Variants in NRG1 observed in about 807,000 individuals in gnomAD.
The protein encoded by NRG1 is neuregulin 1.
NRG1 carries 18 observed loss-of-function variants against 63.8 expected under a neutral mutation model. The ratio of observed to expected loss-of-function variants is 0.28; its 90% CI spans 0.19 to 0.42. NRG1 has a LOEUF of 0.42. Among genes scored for constraint, NRG1 ranks in the 10% least tolerant of loss-of-function variants. NRG1 has a pLI of 1.00. For missense variants in NRG1, 762 were observed against 814.7 expected, an observed-to-expected ratio of 0.94 and a Z score of 0.79; for synonymous variants, 302 against 301.3, an observed-to-expected ratio of 1.00 and a Z score of -0.02.
chr8:31,697,485 T>C (rs1452736997), intron 1 of NRG1, among the ~76,000 whole-genome samples: 1 of 152,200 alleles, frequency 6.6e-6, no homozygotes, highest in Non-Finnish European at 1.5e-5. Flanking sequence ...GTCAGTTTCT[T>C]CCCTATGCCA....
chr8:31,709,378 T>A (rs985248585), intron 1 of NRG1, among the ~76,000 whole-genome samples: 12 of 152,140 alleles, frequency 7.9e-5, no homozygotes, highest in African/African-American at 2.9e-4. Context: ...CTTCTGGGAA[T>A]GTTTCACCGA....
intron 1 of NRG1, among the ~76,000 whole-genome samples, chr8:31,694,815 A>G (rs1809891666): frequency 6.6e-6 from 1 of 152,322 alleles, no homozygotes; most frequent in South Asian, 2.1e-4. Flanking sequence ...TGTTGAAGAA[A>G]TGTTTTAGAG....
intron 1 of NRG1, among the ~76,000 whole-genome samples, chr8:32,577,355 A>G (rs1839853119): frequency 1.3e-5 from 2 of 152,170 alleles, no homozygotes; most frequent in Non-Finnish European, 1.5e-5. Flanking sequence ...CAAGTGACTT[A>G]TGTATACAGT....
chr8:32,117,996 T>A (rs772244351), intron 1 of NRG1, among the ~76,000 whole-genome samples: 4 of 152,154 alleles, frequency 2.6e-5, no homozygotes, highest in Non-Finnish European at 5.9e-5. Flanking sequence ...TCAGTATTTC[T>A]CAAAATCATT....
chr8:32,350,538 T>G (rs1172014371), intron 1 of NRG1, among the ~76,000 whole-genome samples: 1 of 152,164 alleles, frequency 6.6e-6, no homozygotes. Flanking sequence ...TCTAACAGAC[T>G]GAAAGTTTAT....
chr8:32,423,127 C>T (rs141707398), intron 1 of NRG1, among the ~76,000 whole-genome samples: 26 of 152,296 alleles, frequency 1.7e-4, no homozygotes, highest in African/African-American at 5.8e-4. Flanking sequence ...TGATATTGCT[C>T]CATTGGGTGG....
At chr8:32,614,593 C>T (rs1252793045) in intron 4 of NRG1, 29 bp downstream of exon 4, 9 of 1,606,788 alleles carry the variant, frequency 5.6e-6, no homozygotes, top group Non-Finnish European at 7.7e-6. Flanking sequence ...GCAAATTTTA[C>T]TAACCAGAAT....
At chr8:32,437,673 G>A (rs1047825790) in intron 1 of NRG1, among the ~76,000 whole-genome samples, 2 of 152,132 alleles carry the variant, frequency 1.3e-5, no homozygotes, top group African/African-American at 4.8e-5. Context: ...TAATTTTGAG[G>A]TTCTTATCCA....
chr8:32,573,264 C>T (rs978645935), intron 1 of NRG1, among the ~76,000 whole-genome samples: 7 of 152,170 alleles, frequency 4.6e-5, no homozygotes, highest in African/African-American at 9.7e-5. Flanking sequence ...CTTATTGACT[C>T]GATAACAGGG....
intron 1 of NRG1, among the ~76,000 whole-genome samples, chr8:32,237,511 G>C (rs1847691212): frequency 6.6e-6 from 1 of 151,312 alleles, no homozygotes; most frequent in African/African-American, 2.4e-5. Context: ...CCCGTGATTT[G>C]GTGGACTGCA....
chr8:32,052,856 A>G (rs1822209183), intron 1 of NRG1, among the ~76,000 whole-genome samples: 1 of 152,144 alleles, frequency 6.6e-6, no homozygotes, highest in Non-Finnish European at 1.5e-5. Flanking sequence ...GAAACTGAGG[A>G]GAACCAGGGT....
chr8:32,581,017 G>A (rs78695846), intron 1 of NRG1, among the ~76,000 whole-genome samples: 1 of 152,106 alleles, frequency 6.6e-6, no homozygotes, highest in East Asian at 1.9e-4. Flanking sequence ...AAAGAGGAAG[G>A]ATTTATTTTA....
chr8:32,306,365 A>C (rs1051963069), intron 1 of NRG1, among the ~76,000 whole-genome samples: 1 of 152,354 alleles, frequency 6.6e-6, no homozygotes, highest in African/African-American at 2.4e-5. Flanking sequence ...ATAGGGAAAG[A>C]ATTTAACTAC....
At chr8:32,512,956 T>A (rs1829386749) in intron 1 of NRG1, among the ~76,000 whole-genome samples, 1 of 152,198 alleles carries the variant, frequency 6.6e-6, no homozygotes, top group South Asian at 2.1e-4. Flanking sequence ...AAACTGGTTT[T>A]AACTTTTTTG....
At chr8:31,894,218 C>A (rs925163040) in intron 1 of NRG1, among the ~76,000 whole-genome samples, 9 of 152,120 alleles carry the variant, frequency 5.9e-5, no homozygotes, top group Admixed American at 4.6e-4. Context: ...TTATTTGCAT[C>A]TACTATTTCA....
intron 1 of NRG1, among the ~76,000 whole-genome samples, chr8:31,804,441 T>G (rs1586536143): frequency 6.6e-6 from 1 of 152,262 alleles, no homozygotes; most frequent in East Asian, 1.9e-4. Flanking sequence ...TCTAAACATC[T>G]CTGATTGGGC....
In NRG1 at chr8:32,474,634, A is replaced by G. The variant is rs577326684; in HGVS notation, c.38-121194A>G. ...CAGCCTCCCAAGTAGCTGGGACTACAGGCACGTGCCACCACGCCTAGCTAA... is the reference window on the plus strand; with the variant it reads ...CAGCCTCCCAAGTAGCTGGGACTACGGGCACGTGCCACCACGCCTAGCTAA... On this transcript the variant is annotated intron_variant, in intron 1 of 10. Transcript: ENST00000519301. Among the ~76,000 whole-genome samples, 244 of 151,892 alleles carry G rather than the reference A, an allele frequency of 1.6e-3. 1 individual carries two copies. Among genetic ancestry groups the G allele is most frequent in the Non-Finnish European group, 2.5e-3 (172 of 67,966 alleles).
chr8:31,847,816 T>C (rs1826833548), intron 1 of NRG1, among the ~76,000 whole-genome samples: 1 of 152,196 alleles, frequency 6.6e-6, no homozygotes. Context: ...CTTTCAAACA[T>C]GAATGAGGCC....
chr8:32,338,050 A>G lies in NRG1; in HGVS notation c.38-257778A>G, dbSNP rs138629127. ...AGTGCCTGAAATGTAAAGATGACTT[A>G]CTCTTGGCCTTAAGGCATCAAATCT... On this transcript the variant is annotated intron_variant, in intron 1 of 10. Coordinates refer to the NRG1 transcript ENST00000519301. 1.2e-3 allele frequency among the ~76,000 whole-genome samples: 187 copies of G among 152,288 alleles called. 1 individual carries two copies. The highest frequency in any genetic ancestry group is 4.4e-3 in the African/African-American group (183 of 41,564).
Sources: gnomAD v4.1 joint callset for allele counts (sites outside exome capture counted in the v4.1 genomes callset) on GRCh38, gnomAD v4.1.1 for gene constraint, MANE v1.5 for transcripts, NCBI Gene and HGNC (gene_info 2026-07-23, HGNC 2026-07-21) for gene names.